SGCZ: variants seen among roughly 807,000 people sequenced by gnomAD.
The protein encoded by SGCZ is sarcoglycan zeta.
Under a neutral mutation model 41.3 loss-of-function variants are expected in SGCZ, and 40 were observed. The ratio of observed to expected loss-of-function variants is 0.97; its 90% CI spans 0.75 to 1.26. SGCZ has a LOEUF of 1.26. SGCZ is among the 50% of genes most tolerant of loss of function. SGCZ has a pLI of 0.00. For missense variants in SGCZ, 552 were observed against 369.8 expected, an observed-to-expected ratio of 1.49 and a Z score of -4.04; for synonymous variants, 206 against 137.5, an observed-to-expected ratio of 1.50 and a Z score of -3.49.
chr8:14,269,740 A>G (rs564921212), intron 3 of SGCZ, among the ~76,000 whole-genome samples: 1 of 152,076 alleles, frequency 6.6e-6, no homozygotes, highest in Non-Finnish European at 1.5e-5. Flanking sequence ...TGAGTGTACA[A>G]ATGAGATATG....
At chr8:15,122,322 A>G (rs1807513137) in intron 1 of SGCZ, among the ~76,000 whole-genome samples, 1 of 152,178 alleles carries the variant, frequency 6.6e-6, no homozygotes, top group Admixed American at 6.5e-5. Context: ...AAAATGGGAA[A>G]CAAGGGTATT....
At chr8:14,357,301 C>A (rs1334033973) in intron 2 of SGCZ, among the ~76,000 whole-genome samples, 2 of 152,098 alleles carry the variant, frequency 1.3e-5, no homozygotes, top group Admixed American at 6.6e-5. Flanking sequence ...AGTAGCAAAG[C>A]ATACTTTGAT....
intron 1 of SGCZ, among the ~76,000 whole-genome samples, chr8:15,071,160 T>G (rs1396448100): frequency 6.6e-6 from 1 of 152,188 alleles, no homozygotes; most frequent in Admixed American, 6.5e-5. Flanking sequence ...TAGTCTTTAG[T>G]AATGTGGCTT....
At chr8:14,134,191 T>G (rs1214691452) in intron 5 of SGCZ, among the ~76,000 whole-genome samples, 1 of 152,192 alleles carries the variant, frequency 6.6e-6, no homozygotes, top group Non-Finnish European at 1.5e-5. Context: ...GGAGAAAACT[T>G]CCATTTTCAC....
chr8:14,169,771 G>T (rs1472373755), intron 4 of SGCZ, among the ~76,000 whole-genome samples: 1 of 152,134 alleles, frequency 6.6e-6, no homozygotes, highest in Non-Finnish European at 1.5e-5. Context: ...TGAAAAAGAG[G>T]CATATTTTTG....
At chr8:14,407,988 T>C (rs1373453565) in intron 2 of SGCZ, among the ~76,000 whole-genome samples, 3 of 152,188 alleles carry the variant, frequency 2.0e-5, no homozygotes, top group African/African-American at 7.2e-5. Context: ...AGATAGTTAT[T>C]TAATGATAGA....
intron 1 of SGCZ, among the ~76,000 whole-genome samples, chr8:14,577,755 C>T (rs767116954): frequency 3.3e-5 from 5 of 152,284 alleles, no homozygotes; most frequent in Non-Finnish European, 5.9e-5. Context: ...AATAAAGTAA[C>T]ATTCATCATT....
chr8:14,166,852 A>G (rs1452226949), intron 4 of SGCZ, among the ~76,000 whole-genome samples: 3 of 152,178 alleles, frequency 2.0e-5, no homozygotes, highest in Non-Finnish European at 4.4e-5. Flanking sequence ...TTAAATGTAA[A>G]TAAGCAAAGG....
intron 1 of SGCZ, among the ~76,000 whole-genome samples, chr8:14,868,170 C>G (rs1052284980): frequency 2.0e-5 from 3 of 152,060 alleles, no homozygotes; most frequent in Admixed American, 6.6e-5. Flanking sequence ...GAAATCAACT[C>G]TGTGTGAAGA....
chr8:15,186,834 C>T (rs988559311), intron 1 of SGCZ, among the ~76,000 whole-genome samples: 3 of 152,238 alleles, frequency 2.0e-5, no homozygotes, highest in East Asian at 1.9e-4. Flanking sequence ...TAACTGTGAA[C>T]GCTTGTTTTT....
chr8:15,100,975 CAA>C (rs113108237), intron 1 of SGCZ, among the ~76,000 whole-genome samples: 1 of 129,518 alleles, frequency 7.7e-6, no homozygotes, highest in Admixed American at 7.8e-5. Context: ...GACCATGTCT[CAA>C]AAAAAAAAAA....
rs187495408 is a variant in SGCZ, at chr8:14,731,684, T to C, written c.40-176758A>G. Among the ~76,000 whole-genome samples the C allele has an allele frequency of 8.9e-4, 135 of 152,334 alleles. 1 individual carries two copies. The highest frequency in any genetic ancestry group is 3.1e-3 in the African/African-American group (129 of 41,590). ...ACCTTTTCTTCTCCAGCATTCCATT[T>C]CATTGTACATATGACACATTTTGTA... On this transcript the variant is annotated intron_variant, in intron 1 of 7. Coordinates refer to ENST00000382080, the MANE Select transcript of SGCZ (RefSeq NM_139167.4).
intron 1 of SGCZ, among the ~76,000 whole-genome samples, chr8:14,738,793 T>C (rs1048189171): frequency 2.0e-5 from 3 of 152,084 alleles, no homozygotes; most frequent in African/African-American, 4.8e-5. Context: ...ATGCCGTTGA[T>C]ATTGTTCCTG....
At chr8:14,525,028 G>T (rs1802897043) in intron 2 of SGCZ, among the ~76,000 whole-genome samples, 1 of 152,002 alleles carries the variant, frequency 6.6e-6, no homozygotes. Context: ...TTTATTCACA[G>T]ATAGAAAGAT....
chr8:14,755,388 C>A (rs1241437415), intron 1 of SGCZ, among the ~76,000 whole-genome samples: 1 of 151,578 alleles, frequency 6.6e-6, no homozygotes, highest in Non-Finnish European at 1.5e-5. Flanking sequence ...TCCAAATGAA[C>A]AATTAAGGAG....
At chr8:15,052,831 CG>C (rs1224133564) in intron 1 of SGCZ, among the ~76,000 whole-genome samples, 5 of 152,190 alleles carry the variant, frequency 3.3e-5, no homozygotes, top group African/African-American at 1.2e-4. Flanking sequence ...TTTCAGAACA[CG>C]TTGAAGGATA....
chr8:14,409,513 T>A (rs1168641040), intron 2 of SGCZ, among the ~76,000 whole-genome samples: 1 of 152,160 alleles, frequency 6.6e-6, no homozygotes, highest in Admixed American at 6.6e-5. Flanking sequence ...AAATATGTTT[T>A]ACATGGCTGC....
intron 1 of SGCZ, among the ~76,000 whole-genome samples, chr8:14,892,279 G>T (rs2130744274): frequency 6.6e-6 from 1 of 152,222 alleles, no homozygotes; most frequent in East Asian, 1.9e-4. Flanking sequence ...TCTGCTGAGT[G>T]TAGGGGATAT....
At chr8:14,810,866 T>G (rs970399153) in intron 1 of SGCZ, among the ~76,000 whole-genome samples, 9 of 152,082 alleles carry the variant, frequency 5.9e-5, no homozygotes, top group African/African-American at 2.2e-4. Context: ...CAAAATATTT[T>G]AAAAGTATTT....
Sources: gnomAD v4.1 joint callset for allele counts (sites outside exome capture counted in the v4.1 genomes callset) on GRCh38, gnomAD v4.1.1 for gene constraint, MANE v1.5 for transcripts, NCBI Gene and HGNC (gene_info 2026-07-23, HGNC 2026-07-21) for gene names.